Variants in GFPT1 observed in about 807,000 individuals in gnomAD.
GFPT1 encodes glutamine--fructose-6-phosphate aminotransferase [isomerizing] 1.
A neutral mutation model predicts 92.0 loss-of-function variants in GFPT1; 40 were observed. The ratio of observed to expected loss-of-function variants is 0.43; its 90% CI spans 0.34 to 0.57. The LOEUF (loss-of-function observed/expected upper bound fraction) is 0.57, where lower values mean the gene tolerates loss of function less well. GFPT1 is among the 20% of genes least tolerant of loss of function. GFPT1 has a pLI of 0.02. For synonymous variants in GFPT1, 269 were observed against 280.6 expected, an observed-to-expected ratio of 0.96 and a Z score of 0.41; for missense variants, 448 against 869.1, an observed-to-expected ratio of 0.52 and a Z score of 6.09.
At chr2:69,347,354 G>T (rs1671108531) in intron 11 of GFPT1, among the ~76,000 whole-genome samples, 1 of 151,786 alleles carries the variant, frequency 6.6e-6, no homozygotes. Context: ...CCTGGCCAAT[G>T]TTAGTTTTTA....
At chr2:69,357,484 C>A (rs67560216) in intron 6 of GFPT1, among the ~76,000 whole-genome samples, 19,442 of 152,150 alleles carry the variant, frequency 0.13, 1,396 homozygotes, top group Non-Finnish European at 0.16. Context: ...AAAGGCAAAG[C>A]CTGTTAGAAA....
intron 6 of GFPT1, 25 bp from the exon 7 acceptor site, chr2:69,356,582 G>C (rs978591525): frequency 3.9e-6 from 6 of 1,554,260 alleles, no homozygotes; most frequent in Non-Finnish European, 5.3e-6. Flanking sequence ...AAATCCATTA[G>C]CACTATTTAA....
Position 69,384,585 on chromosome 2 carries a change from C to T in GFPT1, c.7+2480G>A, listed in dbSNP as rs1043701394. 4.3e-4 allele frequency among the ~76,000 whole-genome samples: 65 copies of T among 150,086 alleles called. 1 individual carries two copies. Among genetic ancestry groups the T allele is most frequent in the African/African-American group, 1.5e-3 (61 of 40,968 alleles). ...AAATTAGCCAGGTGTGGTGGTACAC[C>T]CCTGTAATCCCAGCTACTCGGGAGG... On this transcript the variant is annotated intron_variant, in intron 1 of 19. Coordinates refer to ENST00000357308, the MANE Select transcript of GFPT1 (RefSeq NM_001244710.2).
At chr2:69,353,063 TA>T (rs997408350) in intron 9 of GFPT1, among the ~76,000 whole-genome samples, 10 of 150,678 alleles carry the variant, frequency 6.6e-5, no homozygotes, top group African/African-American at 2.4e-4. Context: ...ATAAATAAGG[TA>T]AAAAAAATTT....
At chr2:69,334,864 G>A in intron 15 of GFPT1, among the ~76,000 whole-genome samples, 1 of 151,988 alleles carries the variant, frequency 6.6e-6, no homozygotes. Context: ...GAAACACAAA[G>A]GAATATTTCA....
chr2:69,350,436 TATA>T (rs1423654782), intron 9 of GFPT1, among the ~76,000 whole-genome samples: 2 of 152,196 alleles, frequency 1.3e-5, no homozygotes, highest in African/African-American at 4.8e-5. Context: ...GTTTTTTTAA[TATA>T]ATATTTATTT....
At chr2:69,382,185 G>A (rs1350505591) in intron 1 of GFPT1, among the ~76,000 whole-genome samples, 3 of 152,100 alleles carry the variant, frequency 2.0e-5, no homozygotes, top group Non-Finnish European at 4.4e-5. Context: ...CTTGATGAGT[G>A]TTTCTCCAAC....
At chr2:69,329,869 A>AATTAAAAAATT in intron 15 of GFPT1, 71 bp from the exon 16 acceptor site, 1 of 846,770 alleles carries the variant, frequency 1.2e-6, no homozygotes, top group Non-Finnish European at 2.1e-6. Flanking sequence ...TTTAATTTTA[A>AATTAAAAAATT]AAAGCTGAAA....
chr2:69,320,104 G>A lies in GFPT1; in HGVS notation c.*6085C>T, dbSNP rs7642. On this transcript the variant is annotated 3_prime_UTR_variant, in exon 20 of 20. Coordinates refer to ENST00000357308, the MANE Select transcript of GFPT1 (RefSeq NM_001244710.2). Reference sequence around the variant, plus strand: ...ATAGTGAAAAACCAATGACAGATGCGACACTGGAAAGAGGACAACAATGTA... The same window carrying A: ...ATAGTGAAAAACCAATGACAGATGCAACACTGGAAAGAGGACAACAATGTA... The A allele has an allele frequency of 1.3e-5, 2 of 152,102 alleles. No homozygotes were observed. Among genetic ancestry groups the A allele is most frequent in the South Asian group, 4.2e-4 (2 of 4,818 alleles). 9.4% of individuals were successfully genotyped at this position (152,102 alleles called of 1,614,324 possible).
At position 69,363,618 on chromosome 2, in the gene GFPT1, A is replaced by T. The variant is rs1455287380; in HGVS notation, c.276T>A (p.Ala92=). The stretch of plus-strand genomic sequence containing the variant: ...CTCCATGTGTTGCCCAACGGGTATG[A>T]GCTATTCCAAGGTGTACATCAAATT... The part of the protein sequence containing the change: ...DIEFDVHLGI[A]HTRWATHGEP... The change falls in exon 4 of 20, where the codon GCT becomes GCA. Residue 92 remains alanine (A), a synonymous_variant. Transcript: ENST00000357308. 6.2e-7 allele frequency: 1 copy of T among 1,609,438 alleles called. No homozygotes were observed. The highest frequency in any genetic ancestry group is 1.6e-4 in the Middle Eastern group (1 of 6,074).
intron 13 of GFPT1, among the ~76,000 whole-genome samples, chr2:69,341,513 T>C (rs1313081051): frequency 1.3e-5 from 2 of 152,174 alleles, no homozygotes; most frequent in African/African-American, 2.4e-5. Flanking sequence ...AGAAATTGAA[T>C]GTAAAGGTCT....
In GFPT1 at chr2:69,328,286, T is replaced by C. The variant is rs200986371; in HGVS notation, c.1878A>G (p.Gln626=). ...CCCGACTTACCTGCCGAGCAACCAC[T>C]TGCTGAAGAGCATTCTGACACTTGG... is the stretch of plus-strand genomic sequence containing the variant. ...TYAKCQNALQ[Q]VVARQGRPVV... is the part of the protein sequence containing the mutation. Residue 626 remains glutamine, a synonymous_variant, in exon 18 of 20, where the codon CAA becomes CAG. Coordinates refer to ENST00000357308, the MANE Select transcript of GFPT1 (RefSeq NM_001244710.2). 1.9e-5 allele frequency: 30 copies of C among 1,613,774 alleles called. No homozygotes were observed. Among genetic ancestry groups the C allele is most frequent in the Middle Eastern group, 3.3e-4 (2 of 6,082 alleles).
At chr2:69,359,191 C>A (rs1044878290) in intron 5 of GFPT1, 77 bp downstream of exon 5, 15 of 803,636 alleles carry the variant, frequency 1.9e-5, no homozygotes, top group Non-Finnish European at 2.7e-5. Context: ...GTTTGTTGCA[C>A]ATCCCAACAA....
chr2:69,376,887 A>G (rs752587946), intron 1 of GFPT1, among the ~76,000 whole-genome samples: 32 of 152,230 alleles, frequency 2.1e-4, no homozygotes, highest in Non-Finnish European at 4.3e-4. Context: ...AATTGTTTTT[A>G]AGACAATTTA....
At chr2:69,365,467 G>C (rs1183677437) in intron 3 of GFPT1, among the ~76,000 whole-genome samples, 2 of 152,168 alleles carry the variant, frequency 1.3e-5, no homozygotes, top group African/African-American at 2.4e-5. Flanking sequence ...GCAAGACTCC[G>C]TCTCAAAAAT....
chr2:69,377,215 A>AG (rs1461380068), intron 1 of GFPT1, among the ~76,000 whole-genome samples: 1 of 149,462 alleles, frequency 6.7e-6, no homozygotes, highest in Non-Finnish European at 1.5e-5. Context: ...CTCAAAAAAA[A>AG]AAAAAAAAAA....
At chr2:69,342,128 A>G in intron 13 of GFPT1, 24 bp downstream of exon 13, 2 of 1,290,802 alleles carry the variant, frequency 1.5e-6, no homozygotes, top group African/African-American at 1.5e-5. Flanking sequence ...ATTCAACATA[A>G]TTAAAATTTT....
intron 3 of GFPT1, among the ~76,000 whole-genome samples, chr2:69,364,070 A>G (rs558742978): frequency 6.6e-6 from 1 of 150,590 alleles, no homozygotes; most frequent in Admixed American, 6.7e-5. Context: ...AGCTGAGATC[A>G]TGCCACTGCA....
chr2:69,384,802 AG>A (rs1445608034), intron 1 of GFPT1, among the ~76,000 whole-genome samples: 14 of 151,882 alleles, frequency 9.2e-5, no homozygotes, highest in African/African-American at 3.1e-4. Context: ...AGAAAAGAAA[AG>A]AAAGAAGGAA....
Sources: gnomAD v4.1 joint callset for allele counts (sites outside exome capture counted in the v4.1 genomes callset) on GRCh38, gnomAD v4.1.1 for gene constraint, MANE v1.5 for transcripts, NCBI Gene and HGNC (gene_info 2026-07-23, HGNC 2026-07-21) for gene names.